Variants in SMG6 observed in about 807,000 individuals in gnomAD.
The protein encoded by SMG6 is telomerase-binding protein EST1A.
SMG6 carries 66 observed loss-of-function variants against 142.2 expected under a neutral mutation model. That is an observed-to-expected ratio of 0.46 (90% CI 0.38 to 0.57). SMG6 has a LOEUF of 0.57. Among genes scored for constraint, SMG6 ranks in the 20% least tolerant of loss-of-function variants. The pLI is 0.00. For synonymous variants in SMG6, 779 were observed against 702.4 expected, an observed-to-expected ratio of 1.11 and a Z score of -1.72; for missense variants, 1,793 against 1,832.0, an observed-to-expected ratio of 0.98 and a Z score of 0.39.
At chr17:2,073,364 G>GT (rs2068162642) in intron 15 of SMG6, among the ~76,000 whole-genome samples, 1 of 152,012 alleles carries the variant, frequency 6.6e-6, no homozygotes, top group Non-Finnish European at 1.5e-5. Flanking sequence ...GATTACAGGC[G>GT]TAAGCCACTG....
rs1344854878 is a variant in SMG6, at chr17:2,086,955, C to T, written c.3358-1054G>A. ...CCGTGGCCAGACGTGCCACAGGGGACGGCCCCTTCATCCTCACTGACTAGC... is the reference window on the plus strand; with the variant it reads ...CCGTGGCCAGACGTGCCACAGGGGATGGCCCCTTCATCCTCACTGACTAGC... On this transcript the variant is annotated intron_variant, in intron 13 of 18. Coordinates refer to ENST00000263073, the MANE Select transcript of SMG6 (RefSeq NM_017575.5). 31 of 1,250,208 alleles carry T rather than the reference C, an allele frequency of 2.5e-5. No homozygotes were observed. The Middle Eastern group carries it at 8.8e-4, about 36-fold the overall frequency. 77.4% of individuals were successfully genotyped at this position (1,250,208 alleles called of 1,614,324 possible).
chr17:2,149,132 T>C (rs950444585), intron 13 of SMG6, among the ~76,000 whole-genome samples: 1 of 152,070 alleles, frequency 6.6e-6, no homozygotes, highest in South Asian at 2.1e-4. Flanking sequence ...AGTGGATCAC[T>C]TGAGGTCAGG....
intron 13 of SMG6, among the ~76,000 whole-genome samples, chr17:2,144,057 T>C (rs905613000): frequency 2.1e-5 from 3 of 141,166 alleles, no homozygotes; most frequent in African/African-American, 8.0e-5. Flanking sequence ...CGCTTTTTTT[T>C]TTTTTTTTTT....
intron 8 of SMG6, among the ~76,000 whole-genome samples, chr17:2,255,123 G>A (rs771716612): frequency 2.6e-5 from 4 of 151,618 alleles, no homozygotes; most frequent in Admixed American, 6.6e-5. Flanking sequence ...TGTGATCTTC[G>A]GCCGGGCGCG....
intron 13 of SMG6, among the ~76,000 whole-genome samples, chr17:2,105,545 AAAATAAAT>A (rs377071604): frequency 7.9e-5 from 12 of 151,898 alleles, no homozygotes; most frequent in African/African-American, 2.4e-4. Context: ...CTCTGTCTCA[AAAATAAAT>A]AAATAAATAA....
intron 10 of SMG6, among the ~76,000 whole-genome samples, chr17:2,207,268 G>A (rs2072716306): frequency 6.6e-6 from 1 of 152,120 alleles, no homozygotes; most frequent in Non-Finnish European, 1.5e-5. Context: ...CTGGGCAACA[G>A]AGCAAGACTG....
At chr17:2,147,850 G>A (rs930353878) in intron 13 of SMG6, among the ~76,000 whole-genome samples, 4 of 152,220 alleles carry the variant, frequency 2.6e-5, no homozygotes, top group African/African-American at 4.8e-5. Flanking sequence ...TGGTGAGGAT[G>A]TAAAATAGTA....
At chr17:2,121,638 T>TA (rs1317804521) in intron 13 of SMG6, among the ~76,000 whole-genome samples, 1 of 62,164 alleles carries the variant, frequency 1.6e-5, no homozygotes, top group Non-Finnish European at 3.6e-5. Flanking sequence ...TGTGTGTGTG[T>TA]GTGTGTGTAG....
intron 8 of SMG6, among the ~76,000 whole-genome samples, chr17:2,259,691 A>C (rs956836561): frequency 3.0e-4 from 46 of 152,138 alleles, no homozygotes; most frequent in Non-Finnish European, 6.2e-4. Context: ...AAAAAAAAAA[A>C]AAAGTTCAAG....
At position 2,068,636 on chromosome 17, in the gene SMG6, C is replaced by T. The variant is rs2068012252; in HGVS notation, c.3835+142G>A. The T allele has an allele frequency of 1.3e-6, 1 of 771,500 alleles. No homozygotes were observed. Among genetic ancestry groups the T allele is most frequent in the Admixed American group, 2.9e-5 (1 of 34,104 alleles). 47.8% of individuals were successfully genotyped at this position (771,500 alleles called of 1,614,324 possible). A position where few individuals can be genotyped will look rare whatever the true frequency, so the allele number is the denominator to read the frequency against. ...GATTATTAAACAGTTTTCTTTGCCCCACGCGTTCCCTACTCCCCTGCAAAT... is the reference window on the plus strand; with the variant it reads ...GATTATTAAACAGTTTTCTTTGCCCTACGCGTTCCCTACTCCCCTGCAAAT... On this transcript the variant is annotated intron_variant, in intron 16 of 18. Coordinates refer to ENST00000263073, the MANE Select transcript of SMG6 (RefSeq NM_017575.5). This position sits in a 1 kb window ranked among gnomAD's most constrained non-coding sequence, Gnocchi z 6.7.
chr17:2,109,507 G>T (rs948071859), intron 13 of SMG6, among the ~76,000 whole-genome samples: 1 of 152,042 alleles, frequency 6.6e-6, no homozygotes, highest in Non-Finnish European at 1.5e-5. Context: ...CAAGTGATCC[G>T]CCTGCCTCAG....
intron 10 of SMG6, among the ~76,000 whole-genome samples, chr17:2,236,255 C>T (rs2073648452): frequency 6.6e-6 from 1 of 151,890 alleles, no homozygotes; most frequent in African/African-American, 2.4e-5. Context: ...TCTGCATTTG[C>T]AAATTAAGCT....
intron 9 of SMG6, among the ~76,000 whole-genome samples, chr17:2,239,565 GA>G (rs1012376647): frequency 1.3e-4 from 20 of 151,566 alleles, no homozygotes; most frequent in Non-Finnish European, 2.4e-4. Context: ...TAAAGCAATA[GA>G]AAAAAAGTGT....
intron 13 of SMG6, among the ~76,000 whole-genome samples, chr17:2,152,909 CA>C (rs2070870894): frequency 6.6e-6 from 1 of 151,942 alleles, no homozygotes; most frequent in Non-Finnish European, 1.5e-5. Context: ...CCATGACCAC[CA>C]AAAACTGCAA....
At chr17:2,131,598 C>A (rs1210623457) in intron 13 of SMG6, among the ~76,000 whole-genome samples, 4 of 151,878 alleles carry the variant, frequency 2.6e-5, no homozygotes, top group African/African-American at 9.7e-5. Context: ...CCATGCCCAG[C>A]CAGAAAGGAT....
At chr17:2,296,097 C>CT (rs1470810520) in intron 4 of SMG6, among the ~76,000 whole-genome samples, 1 of 152,172 alleles carries the variant, frequency 6.6e-6, no homozygotes, top group Non-Finnish European at 1.5e-5. Context: ...ACAAATCTAC[C>CT]TTATCCATTT....
intron 8 of SMG6, among the ~76,000 whole-genome samples, chr17:2,269,391 C>CA (rs67018732): frequency 6.2e-5 from 9 of 144,264 alleles, no homozygotes; most frequent in South Asian, 4.4e-4. Context: ...GACTCTGTCC[C>CA]AAAAAAAAAA....
chr17:2,238,541 A>G (rs1426416990), intron 9 of SMG6, among the ~76,000 whole-genome samples: 4 of 152,196 alleles, frequency 2.6e-5, no homozygotes, highest in African/African-American at 9.7e-5. Context: ...GGGGGCTAGC[A>G]CTTCTCGTTA....
chr17:2,152,926 C>G (rs62068035), intron 13 of SMG6, among the ~76,000 whole-genome samples: 21,163 of 152,014 alleles, frequency 0.14, 1,677 homozygotes, highest in South Asian at 0.2. Flanking sequence ...TGCAAATAGC[C>G]CAAATGTTCA....
Sources: gnomAD v4.1 joint callset for allele counts (sites outside exome capture counted in the v4.1 genomes callset) on GRCh38, gnomAD v4.1.1 for gene constraint, Gnocchi (gnomAD v3.1) non-coding constraint, MANE v1.5 for transcripts, NCBI Gene and HGNC (gene_info 2026-07-23, HGNC 2026-07-21) for gene names.